RTN1: variants seen among roughly 807,000 people sequenced by gnomAD.
RTN1 encodes reticulon-1.
Under a neutral mutation model 65.5 loss-of-function variants are expected in RTN1, and 25 were observed. The ratio of observed to expected loss-of-function variants is 0.38; its 90% CI spans 0.28 to 0.53. The LOEUF is 0.53. RTN1 is among the 20% of genes least tolerant of loss of function. The pLI is 0.79. For synonymous variants in RTN1, 471 were observed against 447.6 expected (o/e 1.05, Z -0.66); for missense variants, 983 against 1,025.4 (o/e 0.96, Z 0.57).
intron 1 of RTN1, among the ~76,000 whole-genome samples, chr14:59,750,400 T>TA (rs1885466938): frequency 5.6e-5 from 3 of 53,946 alleles, no homozygotes; most frequent in Non-Finnish European, 6.0e-5. Flanking sequence ...ATCTATAATA[T>TA]ATATATTATA....
intron 1 of RTN1, among the ~76,000 whole-genome samples, chr14:59,869,231 A>G (rs2139683717): frequency 6.6e-6 from 1 of 152,154 alleles, no homozygotes; most frequent in Admixed American, 6.5e-5. Context: ...AGAGAAGCTT[A>G]CGAAAAGGGG....
chr14:59,646,007 G>A (rs1298700921), intron 3 of RTN1, among the ~76,000 whole-genome samples: 2 of 152,126 alleles, frequency 1.3e-5, no homozygotes, highest in Admixed American at 1.3e-4. Flanking sequence ...ATACTGATAG[G>A]AACAAAGATC....
intron 1 of RTN1, among the ~76,000 whole-genome samples, chr14:59,789,793 T>C (rs1886314891): frequency 6.6e-6 from 1 of 151,916 alleles, no homozygotes; most frequent in Non-Finnish European, 1.5e-5. Flanking sequence ...CTAGGAACAA[T>C]CTAAATATCT....
rs1320415412 is a variant in RTN1 at position 59,749,176 on chromosome 14, CTATA to C, written c.242-2699_242-2696del. Among the ~76,000 whole-genome samples, 427 of 103,390 alleles carry C rather than the reference CTATA, an allele frequency of 4.1e-3. 80 individuals carry two copies. Among genetic ancestry groups the C allele is most frequent in the African/African-American group, 0.021 (400 of 18,964 alleles). The allele number at this position is 103,390 out of a possible 152,430, so 67.8% of individuals were successfully genotyped here. A position where few individuals can be genotyped will look rare whatever the true frequency, so the allele number is the denominator to read the frequency against. On this transcript the variant is annotated intron_variant, in intron 1 of 8. Coordinates refer to ENST00000267484, the MANE Select transcript of RTN1 (RefSeq NM_021136.3). Reference sequence around the variant, plus strand: ...TATCTATATCTATCTATATATCTATCTATATATCTATCTATATATATCTATATAT... The same window carrying C: ...TATCTATATCTATCTATATATCTATCTATCTATCTATATATATCTATATAT...
chr14:59,606,353 C>A (rs1161519583), intron 4 of RTN1, among the ~76,000 whole-genome samples: 1 of 151,896 alleles, frequency 6.6e-6, no homozygotes, highest in Non-Finnish European at 1.5e-5. Context: ...ATGTGTCCTC[C>A]CCAAATTCAT....
chr14:59,702,022 T>A (rs1454155738), intron 3 of RTN1, among the ~76,000 whole-genome samples: 2 of 152,114 alleles, frequency 1.3e-5, no homozygotes, highest in African/African-American at 4.8e-5. Context: ...ACAAAAAAAA[T>A]TATATCCAGA....
At chr14:59,612,652 C>G (rs1387928481) in intron 3 of RTN1, among the ~76,000 whole-genome samples, 1 of 152,182 alleles carries the variant, frequency 6.6e-6, no homozygotes, top group Non-Finnish European at 1.5e-5. Context: ...GCAGGCTCGT[C>G]AGTTACAAAC....
chr14:59,837,863 C>T (rs1467254278), intron 1 of RTN1, among the ~76,000 whole-genome samples: 1 of 151,998 alleles, frequency 6.6e-6, no homozygotes, highest in Admixed American at 6.6e-5. Flanking sequence ...TGCTAATGAT[C>T]ACCGGAGTCT....
intron 1 of RTN1, among the ~76,000 whole-genome samples, chr14:59,772,159 T>G (rs1566721842): frequency 6.6e-6 from 1 of 152,234 alleles, no homozygotes; most frequent in African/African-American, 2.4e-5. Context: ...TGGTGTTCTG[T>G]CTACAGAATA....
chr14:59,785,265 T>C (rs1566726364), intron 1 of RTN1, among the ~76,000 whole-genome samples: 3 of 152,254 alleles, frequency 2.0e-5, no homozygotes, highest in Admixed American at 6.5e-5. Context: ...ATCTAATTCA[T>C]GAAACTCATC....
intron 4 of RTN1, among the ~76,000 whole-genome samples, 165 bp downstream of exon 4, chr14:59,607,120 A>C (rs1459168238): frequency 6.6e-6 from 1 of 152,246 alleles, no homozygotes; most frequent in Non-Finnish European, 1.5e-5. Context: ...TGTTTCAGAA[A>C]TTCACCAGAA....
chr14:59,675,068 C>T (rs1883594403), intron 3 of RTN1, among the ~76,000 whole-genome samples: 1 of 151,764 alleles, frequency 6.6e-6, no homozygotes, highest in African/African-American at 2.4e-5. Context: ...CACACACACA[C>T]ACACACACAA....
intron 1 of RTN1, among the ~76,000 whole-genome samples, chr14:59,753,516 A>T (rs1885573431): frequency 6.6e-6 from 1 of 152,214 alleles, no homozygotes; most frequent in South Asian, 2.1e-4. Context: ...AAATTGAGCT[A>T]AATACCCTAA....
At chr14:59,698,830 T>C (rs1182847042) in intron 3 of RTN1, among the ~76,000 whole-genome samples, 1 of 152,232 alleles carries the variant, frequency 6.6e-6, no homozygotes, top group Non-Finnish European at 1.5e-5. Flanking sequence ...TATCTTCCTG[T>C]AAGCACTAGA....
At chr14:59,757,060 G>A (rs911900565) in intron 1 of RTN1, among the ~76,000 whole-genome samples, 2 of 152,044 alleles carry the variant, frequency 1.3e-5, no homozygotes, top group South Asian at 4.2e-4. Context: ...AAATTGCAAG[G>A]AAGGCACAGA....
At chr14:59,693,405 T>G (rs961376298) in intron 3 of RTN1, among the ~76,000 whole-genome samples, 8 of 152,182 alleles carry the variant, frequency 5.3e-5, no homozygotes, top group African/African-American at 1.7e-4. Context: ...TTTGGTTACA[T>G]GAATAAGATA....
chr14:59,663,581 C>A (rs928346690), intron 3 of RTN1, among the ~76,000 whole-genome samples: 7 of 151,736 alleles, frequency 4.6e-5, no homozygotes, highest in African/African-American at 1.7e-4. Context: ...GCAATCTGTC[C>A]ATCTCATAAA....
intron 1 of RTN1, among the ~76,000 whole-genome samples, chr14:59,813,533 G>A (rs966727456): frequency 5.3e-5 from 8 of 152,090 alleles, no homozygotes; most frequent in African/African-American, 1.2e-4. Context: ...TTGTAAGACC[G>A]CTTTTTAAAA....
intron 3 of RTN1, among the ~76,000 whole-genome samples, chr14:59,655,521 C>A (rs7152449): frequency 0.42 from 64,193 of 151,972 alleles, 14,479 homozygotes; most frequent in African/African-American, 0.57. Flanking sequence ...ACAAAATAAT[C>A]TTGAAAAAGG....
Sources: gnomAD v4.1 joint callset for allele counts (sites outside exome capture counted in the v4.1 genomes callset) on GRCh38, gnomAD v4.1.1 for gene constraint, MANE v1.5 for transcripts, NCBI Gene and HGNC (gene_info 2026-07-23, HGNC 2026-07-21) for gene names.